MEI4: variants seen among roughly 807,000 people sequenced by gnomAD.
MEI4 encodes the protein meiotic double-stranded break formation protein 4.
A neutral mutation model predicts 31.4 loss-of-function variants in MEI4; 27 were observed. That is an observed-to-expected ratio of 0.86 (90% CI 0.63 to 1.19). The LOEUF (loss-of-function observed/expected upper bound fraction) is 1.19. MEI4 is among the 50% of genes most tolerant of loss of function. The probability of loss-of-function intolerance (pLI) is 0.00; values close to 1 mark genes in which losing one functional copy is unlikely to be tolerated. For missense variants in MEI4, 329 were observed against 398.9 expected, an observed-to-expected ratio of 0.82 and a Z score of 1.49; for synonymous variants, 122 against 145.4, an observed-to-expected ratio of 0.84 and a Z score of 1.16.
At position 77,696,628 on chromosome 6, in the gene MEI4, G is replaced by T. The variant is rs61506085; in HGVS notation, c.232+5725G>T. On this transcript the variant is annotated intron_variant, in intron 2 of 4. Transcript: ENST00000684080. ...CAGGGATGAAGCCCACTTGATCATGGTGGATAAGCTTTTTGATGTGCTGCT... is the reference window on the plus strand; with the variant it reads ...CAGGGATGAAGCCCACTTGATCATGTTGGATAAGCTTTTTGATGTGCTGCT... Among the ~76,000 whole-genome samples the T allele has an allele frequency of 4.3e-4, 65 of 151,614 alleles. 1 individual carries two copies. In the East Asian group the frequency reaches 0.01, roughly 24 times the overall value.
intron 2 of MEI4, among the ~76,000 whole-genome samples, chr6:77,702,634 T>C (rs1401196832): frequency 1.3e-5 from 2 of 152,204 alleles, no homozygotes; most frequent in Non-Finnish European, 2.9e-5. Context: ...CTGTAGCCTT[T>C]GCCCCTTTCT....
chr6:77,788,618 CAGAG>C (rs1481642015), intron 3 of MEI4, among the ~76,000 whole-genome samples: 8 of 152,082 alleles, frequency 5.3e-5, no homozygotes, highest in East Asian at 1.9e-4. Flanking sequence ...AACAGACAAA[CAGAG>C]AGCCGAATCA....
intron 4 of MEI4, among the ~76,000 whole-genome samples, chr6:77,873,736 A>C (rs1771257945): frequency 1.3e-5 from 2 of 152,104 alleles, no homozygotes; most frequent in Non-Finnish European, 2.9e-5. Flanking sequence ...TTATGGTTTT[A>C]GGTCTAACAT....
chr6:77,678,219 T>G (rs939129713), intron 1 of MEI4, among the ~76,000 whole-genome samples: 4 of 152,172 alleles, frequency 2.6e-5, no homozygotes, highest in Non-Finnish European at 5.9e-5. Context: ...GTAATACAAA[T>G]GGCATTACCA....
intron 4 of MEI4, among the ~76,000 whole-genome samples, chr6:77,919,392 A>G (rs1236019121): frequency 6.6e-6 from 1 of 152,118 alleles, no homozygotes; most frequent in Non-Finnish European, 1.5e-5. Context: ...CTGCTCCTGA[A>G]TGACTACTGG....
chr6:77,730,689 C>A (rs139436954), intron 2 of MEI4, among the ~76,000 whole-genome samples: 3,978 of 151,986 alleles, frequency 0.026, 77 homozygotes, highest in South Asian at 0.048. Flanking sequence ...AAGTTAGTTA[C>A]ATATGTATAC....
chr6:77,874,864 C>A (rs1024728754), intron 4 of MEI4, among the ~76,000 whole-genome samples: 1 of 152,144 alleles, frequency 6.6e-6, no homozygotes, highest in Admixed American at 6.6e-5. Flanking sequence ...TTGAGATAAT[C>A]ATGTGGTTTT....
chr6:77,738,757 G>GT (rs1031986866), intron 2 of MEI4, among the ~76,000 whole-genome samples: 1 of 152,108 alleles, frequency 6.6e-6, no homozygotes, highest in African/African-American at 2.4e-5. Flanking sequence ...AGCATCTGTT[G>GT]TTTCCTGACT....
chr6:77,881,442 G>C (rs1282730683), intron 4 of MEI4, among the ~76,000 whole-genome samples: 4 of 152,188 alleles, frequency 2.6e-5, no homozygotes, highest in Admixed American at 2.0e-4. Context: ...GAACATTTAA[G>C]TGTTTCTAAT....
chr6:77,672,642 C>T (rs578256390), intron 1 of MEI4, among the ~76,000 whole-genome samples: 4 of 152,268 alleles, frequency 2.6e-5, no homozygotes, highest in East Asian at 3.9e-4. Flanking sequence ...CAGGTTCAAG[C>T]GATTCTCCTA....
At chr6:77,866,068 T>C (rs1257143889) in intron 4 of MEI4, among the ~76,000 whole-genome samples, 1 of 151,908 alleles carries the variant, frequency 6.6e-6, no homozygotes, top group African/African-American at 2.4e-5. Context: ...TAGGTACTGA[T>C]GGGACGTACC....
chr6:77,760,195 TACAC>T (rs1410155837), intron 2 of MEI4, among the ~76,000 whole-genome samples: 1 of 152,116 alleles, frequency 6.6e-6, no homozygotes, highest in Non-Finnish European at 1.5e-5. Flanking sequence ...CATGTGTACA[TACAC>T]AGGTACATAC....
chr6:77,915,862 G>T (rs1766533005), intron 4 of MEI4, among the ~76,000 whole-genome samples: 1 of 151,678 alleles, frequency 6.6e-6, no homozygotes, highest in African/African-American at 2.4e-5. Flanking sequence ...TCTCCCTTTT[G>T]TTCTCTCTTT....
chr6:77,842,830 A>G (rs1401463595), intron 4 of MEI4, among the ~76,000 whole-genome samples: 1 of 152,102 alleles, frequency 6.6e-6, no homozygotes, highest in Non-Finnish European at 1.5e-5. Context: ...TTAGATGAAA[A>G]GGACCAATTA....
At chr6:77,876,925 A>T (rs1441066151) in intron 4 of MEI4, among the ~76,000 whole-genome samples, 4 of 152,184 alleles carry the variant, frequency 2.6e-5, no homozygotes, top group Admixed American at 6.5e-5. Context: ...AGGGAAAAAA[A>T]GGTTGAGAAA....
intron 1 of MEI4, among the ~76,000 whole-genome samples, chr6:77,671,972 T>A (rs751528658): frequency 8.5e-5 from 13 of 152,108 alleles, no homozygotes; most frequent in Non-Finnish European, 1.0e-4. Flanking sequence ...TTACTGGGCG[T>A]GTAGGGAGTG....
At chr6:77,811,983 T>C (rs114212631) in intron 3 of MEI4, among the ~76,000 whole-genome samples, 1,570 of 152,262 alleles carry the variant, frequency 0.01, 27 homozygotes, top group African/African-American at 0.036. Flanking sequence ...AATAAACTTA[T>C]AGTACATAAA....
chr6:77,652,379 T>A (rs140556433), upstream of MEI4, among the ~76,000 whole-genome samples: 52 of 152,328 alleles, frequency 3.4e-4, no homozygotes, highest in Non-Finnish European at 2.5e-4. Flanking sequence ...AATGGGGGTT[T>A]GCAAGTGGTC....
chr6:77,779,965 G>A (rs112576206), intron 3 of MEI4, among the ~76,000 whole-genome samples: 7 of 152,238 alleles, frequency 4.6e-5, no homozygotes, highest in Admixed American at 1.3e-4. Context: ...CAAATGGATG[G>A]GTATTGGAAA....
Sources: gnomAD v4.1 joint callset for allele counts (sites outside exome capture counted in the v4.1 genomes callset) on GRCh38, gnomAD v4.1.1 for gene constraint, MANE v1.5 for transcripts, NCBI Gene and HGNC (gene_info 2026-07-23, HGNC 2026-07-21) for gene names.